Variants in HAUS2 observed in about 807,000 individuals in gnomAD.
The protein encoded by HAUS2 is HAUS augmin-like complex subunit 2.
In HAUS2, 20 loss-of-function variants were observed where a neutral mutation model predicts 21.6. That is an observed-to-expected ratio of 0.93 (90% CI 0.65 to 1.35). The LOEUF (loss-of-function observed/expected upper bound fraction) is 1.35, where lower values mean the gene tolerates loss of function less well. Ranked by LOEUF, HAUS2 falls within the 40% of genes most tolerant of loss-of-function variation. HAUS2 has a pLI of 0.00. For missense variants in HAUS2, 297 were observed against 280.7 expected (o/e 1.06, Z -0.42); for synonymous variants, 113 against 95.6 (o/e 1.18, Z -1.06).
At chr15:42,552,010 C>CT (rs528003921) in intron 1 of HAUS2, among the ~76,000 whole-genome samples, 600 of 148,880 alleles carry the variant, frequency 4.0e-3, no homozygotes, top group African/African-American at 0.012. Flanking sequence ...ACTTTTGTCT[C>CT]TTTTTTTTTG....
chr15:42,563,802 C>A lies in HAUS2; in HGVS notation c.443C>A (p.Thr148Asn). ...GTGACTTTCATTGAGAGATTAGAAA[C>A]CCACCTTGAAACAATTAGAAATATT... ...LAVTFIERLE[T>N]HLETIRNIPH... The change falls in exon 5 of 6, where the codon ACC (threonine) becomes AAC (asparagine). Residue 148 changes from threonine (T) to asparagine (N), a missense_variant. Thr to Asn is a moderately conservative substitution (Grantham distance 65). Coordinates refer to ENST00000260372, the MANE Select transcript of HAUS2 (RefSeq NM_018097.3). The A allele has an allele frequency of 6.3e-7, 1 of 1,584,106 alleles. No individual in the cohort carries two copies. Among genetic ancestry groups the A allele is most frequent in the Non-Finnish European group, 8.6e-7 (1 of 1,156,686 alleles).
Position 42,566,612 on chromosome 15 carries a change from G to T in HAUS2, c.504G>T (p.Gln168His). Residue 168 changes from glutamine (Q) to histidine (H), a missense_variant, in exon 6 of 6, where the codon CAG becomes CAT. Coordinates refer to ENST00000260372, the MANE Select transcript of HAUS2 (RefSeq NM_018097.3). ...TCCCTTTTCAAATGTTACAGAACCA[G>T]GCTTTAGCAAAGATGGATATATTGG... is the stretch of plus-strand genomic sequence containing the variant. ...HLAANLKKMN[Q>H]ALAKMDILVT... The T allele has an allele frequency of 6.4e-7, 1 of 1,567,104 alleles. No homozygotes were observed. Among genetic ancestry groups the T allele is most frequent in the Non-Finnish European group, 8.8e-7 (1 of 1,137,358 alleles).
At position 42,558,214 on chromosome 15, in the gene HAUS2, C is replaced by G; in HGVS notation, c.110C>G (p.Ser37Cys). ...GMVNQEMLNM[S>C]KKTVSCFVNF... is the part of the protein sequence containing the mutation. Reference sequence around the variant, plus strand: ...TACCAATAGGAGATGTTAAACATGTCTAAGAAAACAGTTTCTTGTTTTGTG... The same window carrying G: ...TACCAATAGGAGATGTTAAACATGTGTAAGAAAACAGTTTCTTGTTTTGTG... The change falls in exon 2 of 6, where the codon TCT becomes TGT. Residue 37 changes from serine (S) to cysteine (C), a missense_variant. Transcript: ENST00000260372. 6.8e-7 allele frequency: 1 copy of G among 1,464,514 alleles called. No homozygotes were observed. The highest frequency in any genetic ancestry group is 9.5e-7 in the Non-Finnish European group (1 of 1,051,596). 90.7% of individuals were successfully genotyped at this position (1,464,514 alleles called of 1,614,324 possible).
intron 4 of HAUS2, among the ~76,000 whole-genome samples, chr15:42,563,273 G>A (rs995604028): frequency 6.6e-6 from 1 of 150,618 alleles, no homozygotes; most frequent in Non-Finnish European, 1.5e-5. Context: ...TTAGCCAGGC[G>A]TGGTGGTGGG....
intron 1 of HAUS2, among the ~76,000 whole-genome samples, chr15:42,557,381 T>A (rs368115408): frequency 1.9e-4 from 1 of 5,386 alleles, no homozygotes; most frequent in African/African-American, 2.5e-4. Flanking sequence ...TATTATATAT[T>A]TTATATATAA....
chr15:42,561,186 G>A, intron 3 of HAUS2, 84 bp from the exon 4 acceptor site: 1 of 793,004 alleles, frequency 1.3e-6, no homozygotes, highest in Non-Finnish European at 2.1e-6. Flanking sequence ...TTTGACATGG[G>A]TAGTGTCAAA....
At chr15:42,564,013 C>G (rs975664016) in intron 5 of HAUS2, among the ~76,000 whole-genome samples, 156 bp downstream of exon 5, 1 of 152,080 alleles carries the variant, frequency 6.6e-6, no homozygotes, top group Non-Finnish European at 1.5e-5. Flanking sequence ...CACCTGTAAT[C>G]CCTGCACTTT....
At chr15:42,554,488 TAG>T (rs921358822) in intron 1 of HAUS2, among the ~76,000 whole-genome samples, 6 of 150,550 alleles carry the variant, frequency 4.0e-5, no homozygotes, top group South Asian at 2.1e-4. Context: ...GTTTGTTTTG[TAG>T]GTGTATTTTT....
rs143696434 is a variant in HAUS2, at chr15:42,566,741, T to G, written c.633T>G (p.Leu211=). The G allele has an allele frequency of 4.7e-5, 74 of 1,563,722 alleles. 1 individual carries two copies. In the African/African-American group the frequency reaches 9.5e-4, roughly 20 times the overall value. ...AAATATTAGCTGAAGAAAGTTATCT[T>G]TATAAACATGATATTATAATGCCTC... ...IPKILAEESY[L]YKHDIIMPPL... is the part of the protein sequence containing the mutation. Residue 211 remains leucine (L), a synonymous_variant, in exon 6 of 6, where the codon CTT becomes CTG. Transcript: ENST00000260372.
intron 3 of HAUS2, among the ~76,000 whole-genome samples, chr15:42,560,411 A>G (rs1367997963): frequency 2.0e-5 from 3 of 151,640 alleles, no homozygotes; most frequent in Non-Finnish European, 4.4e-5. Context: ...AGAGAGAGAG[A>G]AGAGAGAGAA....
intron 1 of HAUS2, among the ~76,000 whole-genome samples, chr15:42,555,238 G>A (rs912122557): frequency 4.0e-5 from 6 of 151,780 alleles, no homozygotes; most frequent in African/African-American, 9.7e-5. Flanking sequence ...TGCCCACCTC[G>A]GCCTCCCAAA....
intron 4 of HAUS2, among the ~76,000 whole-genome samples, chr15:42,562,985 C>T (rs1255456630): frequency 6.6e-6 from 1 of 151,830 alleles, no homozygotes. Context: ...TAGTGGTGCA[C>T]GCCTGTGATC....
intron 1 of HAUS2, among the ~76,000 whole-genome samples, chr15:42,549,765 CAAAAAAAAAAAA>C (rs58614126): frequency 1.7e-3 from 100 of 58,114 alleles, no homozygotes; most frequent in Non-Finnish European, 2.9e-3. Context: ...TCTTTAAAGG[CAAAAAAAAAAAA>C]AAAAAAAAAA....
Position 42,566,727 on chromosome 15 carries a change from GAAGA to G in HAUS2, c.623_626del (p.Glu208ValfsTer9). 3 of 1,558,756 alleles carry G rather than the reference GAAGA, an allele frequency of 1.9e-6. No individual in the cohort carries two copies. The highest frequency in any genetic ancestry group is 8.9e-7 in the Non-Finnish European group (1 of 1,129,776). ...GTCTTGTATCCCCAAAATATTAGCT[GAAGA>G]AAGTTATCTTTATAAACATGATATT... On this transcript the variant is annotated frameshift_variant, in exon 6 of 6. Coordinates refer to ENST00000260372, the MANE Select transcript of HAUS2 (RefSeq NM_018097.3). LOFTEE classifies it low-confidence loss of function (END_TRUNC).
chr15:42,562,537 A>G (rs8028875), intron 4 of HAUS2, among the ~76,000 whole-genome samples: 2,706 of 151,918 alleles, frequency 0.018, 72 homozygotes, highest in African/African-American at 0.062. Flanking sequence ...AGAGGTTGCA[A>G]TGACCTGAGA....
intron 5 of HAUS2, among the ~76,000 whole-genome samples, chr15:42,565,008 T>A (rs945595049): frequency 6.6e-6 from 1 of 152,132 alleles, no homozygotes; most frequent in Non-Finnish European, 1.5e-5. Flanking sequence ...GCTAATAGTT[T>A]GTATTTTTAG....
In HAUS2 at chr15:42,567,229, A is replaced by C. The variant is rs1161431925; in HGVS notation, c.*413A>C. On this transcript the variant is annotated 3_prime_UTR_variant, in exon 6 of 6. Transcript: ENST00000260372. ...AGCCTGGGTAACATGGTGAAATCCC[A>C]TATCTACAAAATAAACAAAAAATTA... is the stretch of plus-strand genomic sequence containing the variant. The C allele has an allele frequency of 5.9e-6, 1 of 169,076 alleles. No homozygotes were observed. The highest frequency in any genetic ancestry group is 1.3e-5 in the Non-Finnish European group (1 of 79,626). The allele number at this position is 169,076 out of a possible 1,614,324, so 10.5% of individuals were successfully genotyped here. A position where few individuals can be genotyped will look rare whatever the true frequency, so the allele number is the denominator to read the frequency against.
At chr15:42,554,501 T>C (rs202182673) in intron 1 of HAUS2, among the ~76,000 whole-genome samples, 2 of 138,624 alleles carry the variant, frequency 1.4e-5, no homozygotes, top group East Asian at 3.9e-4. Context: ...GTGTATTTTT[T>C]TTTTTTTAAG....
intron 1 of HAUS2, among the ~76,000 whole-genome samples, chr15:42,552,656 C>G (rs2057737529): frequency 6.6e-6 from 1 of 152,106 alleles, no homozygotes; most frequent in South Asian, 2.1e-4. Context: ...GCCTTACATT[C>G]TAGATATTTT....
Sources: gnomAD v4.1 joint callset for allele counts (sites outside exome capture counted in the v4.1 genomes callset) on GRCh38, gnomAD v4.1.1 for gene constraint, MANE v1.5 for transcripts, NCBI Gene and HGNC (gene_info 2026-07-23, HGNC 2026-07-21) for gene names.